The following RAPGEF6 variants were observed in gnomAD, a reference collection of about 807,000 sequenced individuals.
The protein encoded by RAPGEF6 is Rap guanine nucleotide exchange factor 6, also known as PDZ domain containing guanine nucleotide exchange factor (GEF) 2.
RAPGEF6 carries 56 observed loss-of-function variants against 171.4 expected under a neutral mutation model. That is an observed-to-expected ratio of 0.33 (90% CI 0.26 to 0.41). RAPGEF6 has a LOEUF of 0.41. Ranked by LOEUF, RAPGEF6 falls within the 10% of genes least tolerant of loss-of-function variation. The pLI, the probability that RAPGEF6 is intolerant of heterozygous loss-of-function variation, is 1.00. For synonymous variants in RAPGEF6, 692 were observed against 650.1 expected, an observed-to-expected ratio of 1.06 and a Z score of -0.98; for missense variants, 1,674 against 1,921.4, an observed-to-expected ratio of 0.87 and a Z score of 2.41.
At chr5:131,553,991 AG>A (rs1761078377) in intron 5 of RAPGEF6, among the ~76,000 whole-genome samples, 1 of 152,096 alleles carries the variant, frequency 6.6e-6, no homozygotes, top group Non-Finnish European at 1.5e-5. Flanking sequence ...TGCCCAAAGC[AG>A]TCCAAAAAAT....
chr5:131,470,314 T>A (rs75393460), intron 17 of RAPGEF6, among the ~76,000 whole-genome samples: 3 of 152,250 alleles, frequency 2.0e-5, no homozygotes, highest in Admixed American at 1.3e-4. Flanking sequence ...GAGAGAATTA[T>A]GTAATCAACT....
chr5:131,471,775 G>C (rs770249251), intron 17 of RAPGEF6, among the ~76,000 whole-genome samples: 2 of 152,094 alleles, frequency 1.3e-5, no homozygotes, highest in Non-Finnish European at 2.9e-5. Flanking sequence ...CACACTGGAA[G>C]TCCAAACAAC....
At chr5:131,566,831 G>A (rs577580731) in intron 4 of RAPGEF6, among the ~76,000 whole-genome samples, 12 of 151,296 alleles carry the variant, frequency 7.9e-5, no homozygotes, top group Middle Eastern at 3.4e-3. Context: ...TTTGTAGGCC[G>A]GGCGCGGTGG....
intron 22 of RAPGEF6, among the ~76,000 whole-genome samples, chr5:131,445,127 T>C (rs1397111991): frequency 6.6e-6 from 1 of 152,190 alleles, no homozygotes; most frequent in Non-Finnish European, 1.5e-5. Context: ...AAAACCTTAC[T>C]CAAATGTAAT....
chr5:131,436,275 T>C lies in RAPGEF6; in HGVS notation c.3746-2617A>G, dbSNP rs760027872. The C allele has an allele frequency of 2.0e-6, 3 of 1,537,546 alleles. No homozygotes were observed. The South Asian group carries it at 3.6e-5, about 18-fold the overall frequency. On this transcript the variant is annotated intron_variant, in intron 24 of 27. Coordinates refer to ENST00000509018, the MANE Select transcript of RAPGEF6 (RefSeq NM_016340.6). ...TCTCAGTACTGTCTGTTCTTTTGGCTGTGCTCCTGGTAATCTGAAGGATTT... is the reference window on the plus strand; with the variant it reads ...TCTCAGTACTGTCTGTTCTTTTGGCCGTGCTCCTGGTAATCTGAAGGATTT...
intron 4 of RAPGEF6, among the ~76,000 whole-genome samples, chr5:131,580,275 G>A (rs1288240894): frequency 1.3e-5 from 2 of 152,322 alleles, no homozygotes; most frequent in Non-Finnish European, 2.9e-5. Flanking sequence ...TGCCGGCACG[G>A]GTGTTAAGCC....
chr5:131,575,906 T>C lies in RAPGEF6; in HGVS notation c.282-13859A>G, dbSNP rs967278459. On this transcript the variant is annotated intron_variant, in intron 4 of 27. Transcript: ENST00000509018. ...CGTGCAGTGGCAGCCACCACTTCAA[T>C]ACTTCTAGAGGCCCTCAAGATCACA... is the stretch of plus-strand genomic sequence containing the variant. 2.0e-5 allele frequency among the ~76,000 whole-genome samples: 3 copies of C among 152,310 alleles called. No homozygotes were observed. In the East Asian group the frequency reaches 5.8e-4, roughly 29 times the overall value.
At chr5:131,621,656 TAA>T (rs1250581224) in intron 1 of RAPGEF6, among the ~76,000 whole-genome samples, 6 of 152,182 alleles carry the variant, frequency 3.9e-5, no homozygotes, top group Non-Finnish European at 8.8e-5. Flanking sequence ...AAATGCTATG[TAA>T]AGAGTTGCTA....
chr5:131,558,627 C>T lies in RAPGEF6; in HGVS notation c.351+3351G>A, dbSNP rs539845299. On this transcript the variant is annotated intron_variant, in intron 5 of 27. Coordinates refer to ENST00000509018, the MANE Select transcript of RAPGEF6 (RefSeq NM_016340.6). ...TAAATTTCACAACAAGAAAGGCTTA[C>T]GCTGAATTCTACACATTTTAATAGG... Among the ~76,000 whole-genome samples the T allele has an allele frequency of 1.5e-4, 23 of 152,248 alleles. 1 individual carries two copies. Among genetic ancestry groups the T allele is most frequent in the Non-Finnish European group, 2.9e-4 (20 of 68,022 alleles).
intron 1 of RAPGEF6, among the ~76,000 whole-genome samples, chr5:131,614,964 A>G (rs1193697409): frequency 6.6e-6 from 1 of 152,226 alleles, no homozygotes; most frequent in Non-Finnish European, 1.5e-5. Flanking sequence ...GAACCAGCAC[A>G]ATCAGCATCA....
rs991548363 is a variant in RAPGEF6 at position 131,566,632 on chromosome 5, A to G, written c.282-4585T>C. On this transcript the variant is annotated intron_variant, in intron 4 of 27. Coordinates refer to ENST00000509018, the MANE Select transcript of RAPGEF6 (RefSeq NM_016340.6). ...ATTTTCTCTACCATTACCCTAATAC[A>G]AAGTCTTTTGGAATGTATGTAATAA... Among the ~76,000 whole-genome samples, 6 of 152,156 alleles carry G rather than the reference A, an allele frequency of 3.9e-5. No individual in the cohort carries two copies. In the East Asian group the frequency reaches 1.2e-3, roughly 29 times the overall value.
intron 4 of RAPGEF6, among the ~76,000 whole-genome samples, chr5:131,579,965 T>G (rs1036771597): frequency 9.2e-5 from 14 of 152,254 alleles, no homozygotes; most frequent in Non-Finnish European, 1.8e-4. Context: ...GGAGCCCAGC[T>G]GGCTTTGCCT....
At chr5:131,579,281 C>T (rs1211956890) in intron 4 of RAPGEF6, among the ~76,000 whole-genome samples, 1 of 152,142 alleles carries the variant, frequency 6.6e-6, no homozygotes, top group African/African-American at 2.4e-5. Flanking sequence ...GCAGTATGGA[C>T]CCAAAGAGTG....
intron 4 of RAPGEF6, among the ~76,000 whole-genome samples, chr5:131,591,162 T>C (rs931334476): frequency 2.0e-5 from 3 of 152,234 alleles, no homozygotes; most frequent in African/African-American, 4.8e-5. Context: ...CTGATATTTA[T>C]GTTAAATAGT....
At chr5:131,619,972 T>C (rs1198188194) in intron 1 of RAPGEF6, among the ~76,000 whole-genome samples, 1 of 152,216 alleles carries the variant, frequency 6.6e-6, no homozygotes, top group African/African-American at 2.4e-5. Context: ...ACAGGGTTTC[T>C]TGAAGGATTA....
Position 131,521,451 on chromosome 5 carries a change from C to G in RAPGEF6, c.566G>C (p.Ser189Thr), listed in dbSNP as rs529227000. 3.7e-6 allele frequency: 6 copies of G among 1,612,620 alleles called. No individual in the cohort carries two copies. The Admixed American group carries it at 6.7e-5, about 18-fold the overall frequency. ...ACTGGCAATGCTACAACCAGACTGA[C>G]TAGAAGACACATGAGTCACCTGTGG... ...PHPQVTHVSS[S>T]QSGCSIASDS... Residue 189 changes from serine to threonine, a missense_variant, in exon 7 of 28, where the codon AGT (serine) becomes ACT (threonine). This residue lies in a region of RAPGEF6 where 1,116 missense variants were observed against 1,321.5 expected (regional missense o/e 0.84). Coordinates refer to ENST00000509018, the MANE Select transcript of RAPGEF6 (RefSeq NM_016340.6).
chr5:131,559,426 T>C (rs1761450921), intron 5 of RAPGEF6, among the ~76,000 whole-genome samples: 1 of 152,228 alleles, frequency 6.6e-6, no homozygotes, highest in African/African-American at 2.4e-5. Context: ...TTGTTTTATG[T>C]ATTTTGAAGG....
chr5:131,467,977 G>A (rs1754477007), intron 17 of RAPGEF6, among the ~76,000 whole-genome samples: 1 of 151,806 alleles, frequency 6.6e-6, no homozygotes, highest in Non-Finnish European at 1.5e-5. Flanking sequence ...GCTGCAGTGA[G>A]CCGAGATCAT....
Position 131,510,453 on chromosome 5 carries a change from A to G in RAPGEF6, c.666T>C (p.Arg222=). 6.2e-7 allele frequency: 1 copy of G among 1,614,098 alleles called. No homozygotes were observed. The highest frequency in any genetic ancestry group is 8.5e-7 in the Non-Finnish European group (1 of 1,180,020). ...ESEVGDVDLT[R]LPEGPVDSED... ...CAGAATCAACAGGTCCTTCTGGAAG[A>G]CGTGTCAAATCTACATCTCCTACCT... The change falls in exon 8 of 28, where the codon CGT becomes CGC. Residue 222 remains arginine, a synonymous_variant. Transcript: ENST00000509018.
Sources: gnomAD v4.1 joint callset for allele counts (sites outside exome capture counted in the v4.1 genomes callset) on GRCh38, gnomAD v4.1.1 for gene constraint, gnomAD v4.1.1 regional missense constraint, MANE v1.5 for transcripts, NCBI Gene and HGNC (gene_info 2026-07-23, HGNC 2026-07-21) for gene names.